ZNF569: variants seen among roughly 807,000 people sequenced by gnomAD.
The protein encoded by ZNF569 is DNA-binding protein.
Under a neutral mutation model 56.3 loss-of-function variants are expected in ZNF569, and 38 were observed. The observed-to-expected ratio is 0.68, with a 90% CI of 0.52 to 0.88. ZNF569 has a LOEUF of 0.88. Ranked by LOEUF, ZNF569 falls within the 40% of genes least tolerant of loss-of-function variation. ZNF569 has a pLI of 0.00. For synonymous variants in ZNF569, 241 were observed against 262.9 expected (o/e 0.92, Z 0.81); for missense variants, 666 against 809.2 (o/e 0.82, Z 2.15).
chr19:37,417,040 TAGA>T (rs1230965658), intron 5 of ZNF569, among the ~76,000 whole-genome samples: 3 of 152,110 alleles, frequency 2.0e-5, no homozygotes, highest in Non-Finnish European at 4.4e-5. Context: ...CTCGTGTTCT[TAGA>T]AGAAGAATGC....
intron 3 of ZNF569, among the ~76,000 whole-genome samples, chr19:37,429,829 A>G (rs755202694): frequency 1.4e-4 from 22 of 152,226 alleles, no homozygotes; most frequent in Admixed American, 2.6e-4. Context: ...AGAAAAAAGT[A>G]TTAGTAAACT....
intron 5 of ZNF569, among the ~76,000 whole-genome samples, chr19:37,421,714 T>C (rs183176541): frequency 9.4e-4 from 143 of 151,984 alleles, no homozygotes; most frequent in African/African-American, 3.1e-3. Flanking sequence ...TCTTATCATC[T>C]TATCATTTGT....
Position 37,412,405 on chromosome 19 carries a change from T to C in ZNF569, c.*192A>G. 2 of 1,007,506 alleles carry C rather than the reference T, an allele frequency of 2.0e-6. No homozygotes were observed. The highest frequency in any genetic ancestry group is 2.6e-6 in the Non-Finnish European group (2 of 767,138). 62.4% of individuals were successfully genotyped at this position (1,007,506 alleles called of 1,614,324 possible). On this transcript the variant is annotated 3_prime_UTR_variant, in exon 6 of 6. Coordinates refer to ENST00000316950, the MANE Select transcript of ZNF569 (RefSeq NM_152484.3). ...TTATCAATAAGATGTCTGCTGAAAGTTTCTGGTAACAGCTTTTTCATTATA... is the reference window on the plus strand; with the variant it reads ...TTATCAATAAGATGTCTGCTGAAAGCTTCTGGTAACAGCTTTTTCATTATA...
chr19:37,460,236 T>C (rs2041735506), intron 2 of ZNF569, among the ~76,000 whole-genome samples: 1 of 151,938 alleles, frequency 6.6e-6, no homozygotes, highest in Admixed American at 6.6e-5. Context: ...GCAATCTCTG[T>C]CTCCTGGGTT....
chr19:37,463,015 T>C (rs553423477), intron 2 of ZNF569, among the ~76,000 whole-genome samples: 53 of 152,318 alleles, frequency 3.5e-4, no homozygotes, highest in African/African-American at 1.2e-3. Context: ...AAGTCAGTTT[T>C]TCCTACATTG....
intron 3 of ZNF569, among the ~76,000 whole-genome samples, chr19:37,440,668 C>T (rs2041389537): frequency 6.6e-6 from 1 of 152,088 alleles, no homozygotes; most frequent in African/African-American, 2.4e-5. Flanking sequence ...GGAAGTTATT[C>T]AGACTGAAAG....
intron 5 of ZNF569, among the ~76,000 whole-genome samples, chr19:37,418,160 T>A (rs932541861): frequency 6.6e-6 from 1 of 151,176 alleles, no homozygotes; most frequent in African/African-American, 2.4e-5. Flanking sequence ...TCTATGAGTA[T>A]GTGTTTATAT....
chr19:37,441,641 G>GT (rs1276680680), intron 3 of ZNF569, among the ~76,000 whole-genome samples: 2 of 151,530 alleles, frequency 1.3e-5, no homozygotes, highest in Non-Finnish European at 2.9e-5. Context: ...GGGTGACAGA[G>GT]TAAGACCCTG....
intron 3 of ZNF569, among the ~76,000 whole-genome samples, chr19:37,428,013 A>C (rs2041163559): frequency 6.6e-6 from 1 of 152,218 alleles, no homozygotes; most frequent in East Asian, 1.9e-4. Context: ...TCATTAAACT[A>C]GTAAATAAAT....
chr19:37,447,168 A>G (rs2146945954), intron 2 of ZNF569, among the ~76,000 whole-genome samples: 1 of 152,356 alleles, frequency 6.6e-6, no homozygotes, highest in East Asian at 1.9e-4. Context: ...TACAACCACT[A>G]TGGAAAACAG....
At chr19:37,448,910 T>C (rs568697098) in intron 2 of ZNF569, among the ~76,000 whole-genome samples, 7 of 152,306 alleles carry the variant, frequency 4.6e-5, no homozygotes, top group Admixed American at 6.5e-5. Flanking sequence ...GTTTCCCCTC[T>C]AGTTTGTTAA....
chr19:37,432,558 G>C (rs774006627), intron 3 of ZNF569, among the ~76,000 whole-genome samples: 11 of 152,188 alleles, frequency 7.2e-5, no homozygotes, highest in Non-Finnish European at 1.3e-4. Flanking sequence ...AAAAAGGGCA[G>C]GTATAAACAA....
intron 3 of ZNF569, among the ~76,000 whole-genome samples, chr19:37,440,560 T>A (rs568340073): frequency 6.6e-6 from 1 of 152,236 alleles, no homozygotes; most frequent in Admixed American, 6.5e-5. Flanking sequence ...AATGATTAAT[T>A]TTAAATATGT....
At chr19:37,465,869 A>G (rs1401656176) in intron 1 of ZNF569, among the ~76,000 whole-genome samples, 1 of 152,252 alleles carries the variant, frequency 6.6e-6, no homozygotes, top group Admixed American at 6.5e-5. Context: ...TAATTTCAAG[A>G]AGCTACAGAG....
chr19:37,426,198 A>G (rs2041129125), intron 4 of ZNF569, 54 bp downstream of exon 4: 3 of 1,525,544 alleles, frequency 2.0e-6, no homozygotes, highest in South Asian at 1.3e-5. Context: ...CACTGGGAGG[A>G]AAAAAAAGGT....
At chr19:37,445,951 C>T (rs2041486318) in intron 2 of ZNF569, among the ~76,000 whole-genome samples, 1 of 151,556 alleles carries the variant, frequency 6.6e-6, no homozygotes, top group South Asian at 2.1e-4. Flanking sequence ...AAAAAACAAT[C>T]CTAAAAATCA....
intron 2 of ZNF569, among the ~76,000 whole-genome samples, chr19:37,451,248 A>T (rs1446791522): frequency 6.6e-6 from 1 of 151,952 alleles, no homozygotes; most frequent in Non-Finnish European, 1.5e-5. Context: ...AAAAATACAA[A>T]AATTAGCTGG....
chr19:37,460,099 A>C (rs1480235587), intron 2 of ZNF569, among the ~76,000 whole-genome samples: 1 of 152,214 alleles, frequency 6.6e-6, no homozygotes. Context: ...AATGGAAAAC[A>C]GCTAGGAAGA....
chr19:37,422,823 C>T (rs1296031671), intron 5 of ZNF569, among the ~76,000 whole-genome samples: 7 of 152,118 alleles, frequency 4.6e-5, no homozygotes, highest in African/African-American at 1.7e-4. Flanking sequence ...CAATGTCACA[C>T]TGCAAAACAA....
Sources: gnomAD v4.1 joint callset for allele counts (sites outside exome capture counted in the v4.1 genomes callset) on GRCh38, gnomAD v4.1.1 for gene constraint, MANE v1.5 for transcripts, NCBI Gene and HGNC (gene_info 2026-07-23, HGNC 2026-07-21) for gene names.